GRM3: variants seen among roughly 807,000 people sequenced by gnomAD.
The protein encoded by GRM3 is metabotropic glutamate receptor 3.
GRM3 carries 26 observed loss-of-function variants against 70.5 expected under a neutral mutation model. The observed-to-expected ratio is 0.37, with a 90% CI of 0.27 to 0.51. The LOEUF (loss-of-function observed/expected upper bound fraction) is 0.51, where lower values mean the gene tolerates loss of function less well. GRM3 is among the 20% of genes least tolerant of loss of function. The pLI is 0.93. For synonymous variants in GRM3, 443 were observed against 434.9 expected (o/e 1.02, Z -0.23); for missense variants, 859 against 1,123.8 (o/e 0.76, Z 3.37).
chr7:86,724,475 T>C (rs561313031), intron 1 of GRM3, among the ~76,000 whole-genome samples: 7 of 152,210 alleles, frequency 4.6e-5, no homozygotes, highest in East Asian at 3.9e-4. Flanking sequence ...CAGAGTTGTT[T>C]TCCTAGGAGC....
intron 1 of GRM3, among the ~76,000 whole-genome samples, chr7:86,719,272 T>A (rs1190141036): frequency 2.0e-5 from 3 of 152,056 alleles, no homozygotes; most frequent in Non-Finnish European, 4.4e-5. Context: ...TTCAGTCTCT[T>A]GAAAATTAAG....
intron 1 of GRM3, among the ~76,000 whole-genome samples, chr7:86,743,500 T>C (rs1274653521): frequency 6.6e-6 from 1 of 152,140 alleles, no homozygotes; most frequent in Non-Finnish European, 1.5e-5. Context: ...CCAAGGTTTA[T>C]ATTTCTTCTC....
intron 1 of GRM3, among the ~76,000 whole-genome samples, chr7:86,705,010 G>A (rs1795026019): frequency 6.6e-6 from 1 of 151,826 alleles, no homozygotes; most frequent in East Asian, 1.9e-4. Context: ...ACTGACATAG[G>A]CATCTAATTC....
chr7:86,779,971 T>C (rs962391998), intron 2 of GRM3, among the ~76,000 whole-genome samples: 6 of 152,014 alleles, frequency 3.9e-5, no homozygotes, highest in East Asian at 1.9e-4. Context: ...AAGACACAAA[T>C]ACTAATTTTT....
At chr7:86,769,777 T>A (rs988248032) in intron 2 of GRM3, among the ~76,000 whole-genome samples, 6 of 152,142 alleles carry the variant, frequency 3.9e-5, no homozygotes. Context: ...CAGTCTGCTG[T>A]GGTCCCTTTT....
intron 1 of GRM3, among the ~76,000 whole-genome samples, chr7:86,688,992 T>C (rs1203259120): frequency 6.7e-6 from 1 of 148,456 alleles, no homozygotes; most frequent in African/African-American, 2.4e-5. Flanking sequence ...TAATTTATTA[T>C]ATATTAATTA....
In GRM3 at chr7:86,853,014, T is replaced by C. The variant is rs1416194281; in HGVS notation, c.2566+2470T>C. Among the ~76,000 whole-genome samples, 5 of 152,168 alleles carry C rather than the reference T, an allele frequency of 3.3e-5. No individual in the cohort carries two copies. The East Asian group carries it at 9.6e-4, about 29-fold the overall frequency. ...TTTATTCATTCATTAAATTATTGAG[T>C]ACCTACTACACACCAAAAATTTCTA... is the stretch of plus-strand genomic sequence containing the variant. On this transcript the variant is annotated intron_variant, in intron 5 of 5. Coordinates refer to ENST00000361669, the MANE Select transcript of GRM3 (RefSeq NM_000840.3).
intron 1 of GRM3, among the ~76,000 whole-genome samples, chr7:86,649,637 T>C (rs1793559168): frequency 6.6e-6 from 1 of 151,916 alleles, no homozygotes; most frequent in African/African-American, 2.4e-5. Flanking sequence ...GGTATAGATA[T>C]CTAAACAGAT....
At chr7:86,832,599 C>A (rs1156869455) in intron 3 of GRM3, among the ~76,000 whole-genome samples, 1 of 152,066 alleles carries the variant, frequency 6.6e-6, no homozygotes, top group East Asian at 1.9e-4. Flanking sequence ...AATGCGAACC[C>A]AAGCAGTGGA....
At chr7:86,767,710 C>T (rs1428580336) in intron 2 of GRM3, among the ~76,000 whole-genome samples, 1 of 151,716 alleles carries the variant, frequency 6.6e-6, no homozygotes, top group Non-Finnish European at 1.5e-5. Flanking sequence ...TTTTTCTCAC[C>T]TTAGTTTCTC....
intron 1 of GRM3, among the ~76,000 whole-genome samples, chr7:86,726,634 T>A (rs575940494): frequency 3.2e-4 from 48 of 152,252 alleles, no homozygotes; most frequent in African/African-American, 1.1e-3. Flanking sequence ...CTCAGAGCCA[T>A]ATAGAACAAC....
chr7:86,651,690 C>G (rs73704951), intron 1 of GRM3, among the ~76,000 whole-genome samples: 3,247 of 152,232 alleles, frequency 0.021, 120 homozygotes, highest in African/African-American at 0.073. Flanking sequence ...TTGGTCACTA[C>G]TACACTGGTA....
intron 3 of GRM3, among the ~76,000 whole-genome samples, chr7:86,791,021 CA>C (rs1011117607): frequency 3.9e-5 from 6 of 152,098 alleles, no homozygotes; most frequent in African/African-American, 1.4e-4. Flanking sequence ...ATAAGCTCCA[CA>C]AAAAACAGAA....
intron 1 of GRM3, among the ~76,000 whole-genome samples, chr7:86,706,761 G>T (rs1251797386): frequency 2.6e-5 from 4 of 151,904 alleles, no homozygotes; most frequent in Non-Finnish European, 1.5e-5. Context: ...TGACAAAATG[G>T]GTTGATTTTT....
chr7:86,645,169 G>A (rs1793427738), intron 1 of GRM3, among the ~76,000 whole-genome samples: 1 of 152,166 alleles, frequency 6.6e-6, no homozygotes, highest in South Asian at 2.1e-4. Context: ...ACCCCAGAGA[G>A]ACCAGTCTCA....
chr7:86,820,639 T>C (rs1798101353), intron 3 of GRM3, among the ~76,000 whole-genome samples: 1 of 152,118 alleles, frequency 6.6e-6, no homozygotes, highest in African/African-American at 2.4e-5. Flanking sequence ...ACTTAGAATA[T>C]CAGCTGATAT....
intron 2 of GRM3, among the ~76,000 whole-genome samples, chr7:86,773,124 G>T (rs1796788862): frequency 6.6e-6 from 1 of 151,930 alleles, no homozygotes; most frequent in Non-Finnish European, 1.5e-5. Context: ...TATCCAGTGG[G>T]TAGCTTTTCA....
At chr7:86,774,523 G>A (rs1009188027) in intron 2 of GRM3, among the ~76,000 whole-genome samples, 1 of 152,036 alleles carries the variant, frequency 6.6e-6, no homozygotes, top group Non-Finnish European at 1.5e-5. Context: ...CAACACTTTG[G>A]CTTCACATTC....
chr7:86,799,578 G>A (rs937595040), intron 3 of GRM3, among the ~76,000 whole-genome samples: 2 of 152,014 alleles, frequency 1.3e-5, no homozygotes, highest in Admixed American at 1.3e-4. Flanking sequence ...CCAGGCTGGA[G>A]TGCAGTGGTG....
Sources: allele counts gnomAD v4.1 joint callset (sites outside exome capture counted in the v4.1 genomes callset), GRCh38; gene constraint gnomAD v4.1.1; transcripts MANE v1.5; gene names NCBI Gene and HGNC (gene_info 2026-07-23, HGNC 2026-07-21).